SZT2: variants seen among roughly 807,000 people sequenced by gnomAD.
SZT2 encodes the protein SZT2 subunit of KICSTOR complex.
Under a neutral mutation model 404.2 loss-of-function variants are expected in SZT2, and 216 were observed. That is an observed-to-expected ratio of 0.53 (90% confidence interval 0.48 to 0.60). The LOEUF (loss-of-function observed/expected upper bound fraction) is 0.60, where lower values mean the gene tolerates loss of function less well. SZT2 is among the 20% of genes least tolerant of loss of function. SZT2 has a pLI of 0.00. For missense variants in SZT2, 3,857 were observed against 4,459.2 expected (o/e 0.86, Z 3.85); for synonymous variants, 1,693 against 1,749.9 (o/e 0.97, Z 0.81).
intron 51 of SZT2, 124 bp from the exon 52 acceptor site, chr1:43,440,329 A>G: frequency 7.2e-7 from 1 of 1,379,958 alleles, no homozygotes. Flanking sequence ...TCAGTTGTAT[A>G]TACTGTCATT....
Position 43,447,030 on chromosome 1 carries a change from C to T in SZT2, c.9148C>T (p.His3050Tyr). 1 of 1,613,986 alleles carries T rather than the reference C, an allele frequency of 6.2e-7. No individual in the cohort carries two copies. Among genetic ancestry groups the T allele is most frequent in the Non-Finnish European group, 8.5e-7 (1 of 1,180,044 alleles). The change falls in exon 66 of 72, where the codon CAT (histidine) becomes TAT (tyrosine). Residue 3050 changes from histidine to tyrosine, a missense_variant. Coordinates refer to ENST00000634258, the MANE Select transcript of SZT2 (RefSeq NM_001365999.1). The part of the protein sequence containing the change: ...MHVHSFSYDF[H>Y]LRLVHQHVLG... ...CGTGCACTCGTTCAGCTATGACTTC[C>T]ATCTGCGCCTCGTGCATCAGCACGT... is the stretch of plus-strand genomic sequence containing the variant.
chr1:43,413,967 T>G lies in SZT2; in HGVS notation c.499-1115T>G, dbSNP rs533843405. Among the ~76,000 whole-genome samples the G allele has an allele frequency of 2.0e-5, 3 of 152,306 alleles. No homozygotes were observed. The South Asian group carries it at 6.2e-4, about 32-fold the overall frequency. On this transcript the variant is annotated intron_variant, in intron 4 of 71. Coordinates refer to ENST00000634258, the MANE Select transcript of SZT2 (RefSeq NM_001365999.1). ...ACTAAAAGAGTAAAATTGGATTGTTTGTAACACAAAAAATAGGATAAATGC... is the reference window on the plus strand; with the variant it reads ...ACTAAAAGAGTAAAATTGGATTGTTGGTAACACAAAAAATAGGATAAATGC...
rs753027932 is a variant in SZT2 at position 43,403,140 on chromosome 1, A to G, written c.28-37A>G. ...CTGTGTGTTCCAGGTACTCGGTGCCATTTTTTAAAGATGTATTAATGTCTC... is the reference window on the plus strand; with the variant it reads ...CTGTGTGTTCCAGGTACTCGGTGCCGTTTTTTAAAGATGTATTAATGTCTC... On this transcript the variant is annotated intron_variant, in intron 1 of 71. Transcript: ENST00000634258. 4 of 1,609,928 alleles carry G rather than the reference A, an allele frequency of 2.5e-6. No homozygotes were observed. In the South Asian group the frequency reaches 4.4e-5, roughly 18 times the overall value.
rs985198042 is a variant in SZT2, at chr1:43,443,581, A to T, written c.8626-16A>T. The T allele has an allele frequency of 3.7e-6, 6 of 1,613,782 alleles. No individual in the cohort carries two copies. The highest frequency in any genetic ancestry group is 4.2e-6 in the Non-Finnish European group (5 of 1,179,990). On this transcript the variant is annotated splice_polypyrimidine_tract_variant and intron_variant, in intron 61 of 71. Transcript: ENST00000634258. ...TTGACAGTGGGGAGAGTCTTCCTTG[A>T]TCTTTACTCTCATAGCGGCGCCATC...
intron 3 of SZT2, 44 bp from the exon 4 acceptor site, chr1:43,404,336 G>A (rs540255054): frequency 1.3e-6 from 2 of 1,571,686 alleles, no homozygotes; most frequent in African/African-American, 2.7e-5. Flanking sequence ...CCTCTGGTTA[G>A]GGCTGCCTTT....
In SZT2 at chr1:43,420,669, G is replaced by A. The variant is rs1367221202; in HGVS notation, c.1262-80G>A. The A allele has an allele frequency of 3.7e-6, 5 of 1,364,090 alleles. No homozygotes were observed. The African/African-American group carries it at 5.7e-5, about 16-fold the overall frequency. The allele number at this position is 1,364,090 out of a possible 1,614,324, so 84.5% of individuals were successfully genotyped here. Reference sequence around the variant, plus strand: ...GGCAGGACTGGGTTCCATGAGGTAGGTGGGGGTTTCAGATAGAACTCGATC... The same window carrying A: ...GGCAGGACTGGGTTCCATGAGGTAGATGGGGGTTTCAGATAGAACTCGATC... On this transcript the variant is annotated intron_variant, in intron 9 of 71. Transcript: ENST00000634258. The surrounding 1 kb of genome is among the most constrained non-coding windows in gnomAD (Gnocchi z 5.1).
At position 43,420,813 on chromosome 1, in the gene SZT2, G is replaced by A; in HGVS notation, c.1326G>A (p.Val442=). The change falls in exon 10 of 72, where the codon GTG becomes GTA. Residue 442 remains valine (V), a synonymous_variant. Transcript: ENST00000634258. This position sits in a 1 kb window ranked among gnomAD's most constrained non-coding sequence, Gnocchi z 5.1. ...LWKHNMRIEY[V]AMAPWPLEPE... is the part of the protein sequence containing the mutation. ...AACACAACATGCGCATTGAGTATGT[G>A]GCTATGGCACCCTGGCCCCTGGAGC... 3.8e-6 allele frequency: 6 copies of A among 1,598,476 alleles called. No homozygotes were observed. The highest frequency in any genetic ancestry group is 3.4e-6 in the Non-Finnish European group (4 of 1,179,812).
chr1:43,438,923 C>T lies in SZT2; in HGVS notation c.6628-6C>T. 6.2e-7 allele frequency: 1 copy of T among 1,614,198 alleles called. No homozygotes were observed. Among genetic ancestry groups the T allele is most frequent in the African/African-American group, 1.3e-5 (1 of 75,050 alleles). ...TCAGCTCTGCCCTCTTCTTCCCACT[C>T]TGCAGTTCATCCAGCCCCCTGGAAG... is the stretch of plus-strand genomic sequence containing the variant. On this transcript the variant is annotated splice_region_variant and splice_polypyrimidine_tract_variant and intron_variant, in intron 47 of 71. Coordinates refer to ENST00000634258, the MANE Select transcript of SZT2 (RefSeq NM_001365999.1).
In SZT2 at chr1:43,439,140, C is replaced by T. The variant is rs752974969; in HGVS notation, c.6792+47C>T. 1.9e-6 allele frequency: 3 copies of T among 1,611,180 alleles called. No individual in the cohort carries two copies. Among genetic ancestry groups the T allele is most frequent in the African/African-American group, 1.3e-5 (1 of 74,924 alleles). On this transcript the variant is annotated intron_variant, in intron 48 of 71. Transcript: ENST00000634258. This position sits in a 1 kb window ranked among gnomAD's most constrained non-coding sequence, Gnocchi z 4.2. ...TCCACACTCATGTGCACCCCTGCCC[C>T]CTGCCCCACGCACTTACTCTTTCCT...
rs1653773152 is a variant in SZT2 at position 43,430,752 on chromosome 1, C to T, written c.4737C>T (p.His1579=). ...LTCSVRLRGQ[H]SSVPVCSLPT... The stretch of plus-strand genomic sequence containing the variant: ...GCTCCGTGCGGCTACGTGGGCAGCA[C>T]AGCTCAGTACCTGTGTGCAGCCTGC... The change falls in exon 32 of 72, where the codon CAC becomes CAT. Residue 1579 remains histidine, a synonymous_variant. Coordinates refer to ENST00000634258, the MANE Select transcript of SZT2 (RefSeq NM_001365999.1). 6.2e-7 allele frequency: 1 copy of T among 1,612,334 alleles called. No homozygotes were observed. The highest frequency in any genetic ancestry group is 1.1e-5 in the South Asian group (1 of 91,080).
rs1557558464 is a variant in SZT2 at position 43,427,298 on chromosome 1, GC to G, written c.3453del (p.Cys1152ValfsTer24). On this transcript the variant is annotated frameshift_variant, in exon 25 of 72. Coordinates refer to ENST00000634258, the MANE Select transcript of SZT2 (RefSeq NM_001365999.1). LOFTEE classifies it high-confidence loss of function. ...ATFSDVQRLA[A>X]CGLEGPPQEE... The stretch of plus-strand genomic sequence containing the variant: ...CTCTTCAGATGTCCAGCGTCTGGCT[GC>G]CTGTGGCCTGGAGGGACCCCCTCAA... 1 of 1,610,772 alleles carries G rather than the reference GC, an allele frequency of 6.2e-7. No homozygotes were observed. The highest frequency in any genetic ancestry group is 1.1e-5 in the South Asian group (1 of 90,652).
Position 43,440,037 on chromosome 1 carries a change from A to G in SZT2, c.7199A>G (p.Asp2400Gly), listed in dbSNP as rs1301640703. ...QLLPASLCTE[D>G]TPTGSLRNGS... ...CTGCCAGCTTCACTATGTACAGAGG[A>G]CACACCCACAGGTATGCAAGTCAAG... is the stretch of plus-strand genomic sequence containing the variant. The change falls in exon 51 of 72, where the codon GAC becomes GGC. Residue 2400 changes from aspartate (D) to glycine (G), a missense_variant. Physicochemically the swap from Asp to Gly is moderately conservative, Grantham distance 94. Transcript: ENST00000634258. 5.0e-6 allele frequency: 8 copies of G among 1,613,822 alleles called. No individual in the cohort carries two copies. Among genetic ancestry groups the G allele is most frequent in the Non-Finnish European group, 6.8e-6 (8 of 1,179,906 alleles).
chr1:43,429,639 G>A, intron 28 of SZT2, 64 bp from the exon 29 acceptor site: 1 of 1,604,394 alleles, frequency 6.2e-7, no homozygotes. Flanking sequence ...CCCCAGTTGA[G>A]AGGCAGGCTA....
intron 4 of SZT2, among the ~76,000 whole-genome samples, chr1:43,407,682 C>A (rs1384444279): frequency 2.0e-5 from 3 of 151,892 alleles, no homozygotes. Context: ...AGTTAATTCA[C>A]ATATATAATA....
At chr1:43,433,696 C>T (rs528352033) in intron 40 of SZT2, among the ~76,000 whole-genome samples, 3 of 152,206 alleles carry the variant, frequency 2.0e-5, no homozygotes, top group Non-Finnish European at 2.9e-5. Context: ...GCAGAAGAAT[C>T]TTGAACCTGG....
rs374837005 is a variant in SZT2 at position 43,432,508 on chromosome 1, A to G, written c.5443-9A>G. On this transcript the variant is annotated splice_polypyrimidine_tract_variant and intron_variant, in intron 37 of 71. Coordinates refer to ENST00000634258, the MANE Select transcript of SZT2 (RefSeq NM_001365999.1). The stretch of plus-strand genomic sequence containing the variant: ...GCCTATACCTCAGTCCTGACTTCCT[A>G]TTCCTCAGACCCTGACAGCCAGCCC... 29 of 1,599,672 alleles carry G rather than the reference A, an allele frequency of 1.8e-5. No homozygotes were observed. The highest frequency in any genetic ancestry group is 2.2e-5 in the East Asian group (1 of 44,850).
intron 1 of SZT2, among the ~76,000 whole-genome samples, chr1:43,397,916 T>G (rs1391371280): frequency 1.3e-5 from 2 of 152,172 alleles, no homozygotes; most frequent in Non-Finnish European, 2.9e-5. Context: ...GGACCCTAAC[T>G]TAGTGCAGAC....
chr1:43,398,030 A>G (rs1649211075), intron 1 of SZT2, among the ~76,000 whole-genome samples: 1 of 152,216 alleles, frequency 6.6e-6, no homozygotes, highest in Non-Finnish European at 1.5e-5. Context: ...GCTGACCCAC[A>G]ACCATGTGCT....
In SZT2 at chr1:43,447,894, C is replaced by G; in HGVS notation, c.9486C>G (p.Asp3162Glu). 1.9e-6 allele frequency: 3 copies of G among 1,614,110 alleles called. No individual in the cohort carries two copies. The highest frequency in any genetic ancestry group is 2.5e-6 in the Non-Finnish European group (3 of 1,180,010). The change falls in exon 68 of 72, where the codon GAC (aspartate) becomes GAG (glutamate). Residue 3162 changes from aspartate to glutamate, a missense_variant. By Grantham distance (45) the Asp-to-Glu change is conservative. This residue lies in a region of SZT2 where 717 missense variants were observed against 868.2 expected (regional missense o/e 0.83). Coordinates refer to ENST00000634258, the MANE Select transcript of SZT2 (RefSeq NM_001365999.1). ...LDSEGLRHQDDFDVSLLVCHC... is the reference protein window; with the variant it reads ...LDSEGLRHQDEFDVSLLVCHC... ...CTGAGGGACTTCGACACCAGGATGA[C>G]TTTGATGTGTCTCTGCTTGTCTGTC...
Sources: allele counts gnomAD v4.1 joint callset (sites outside exome capture counted in the v4.1 genomes callset), GRCh38; gene constraint gnomAD v4.1.1; regional missense constraint gnomAD v4.1.1; non-coding constraint Gnocchi (gnomAD v3.1); transcripts MANE v1.5; gene names NCBI Gene and HGNC (gene_info 2026-07-23, HGNC 2026-07-21).